Variants in SVEP1 observed in about 807,000 individuals in gnomAD.
SVEP1 encodes the protein sushi, von Willebrand factor type A, EGF and pentraxin domain containing 1.
SVEP1 carries 164 observed loss-of-function variants against 367.3 expected under a neutral mutation model. The observed-to-expected ratio is 0.45, with a 90% CI of 0.39 to 0.51. The LOEUF is 0.51. Ranked by LOEUF, SVEP1 falls within the 20% of genes least tolerant of loss-of-function variation. The probability of loss-of-function intolerance (pLI) is 0.00; values close to 1 mark genes in which losing one functional copy is unlikely to be tolerated. For missense variants in SVEP1, 4,117 were observed against 4,425.3 expected (o/e 0.93, Z 1.98); for synonymous variants, 1,666 against 1,611.6 (o/e 1.03, Z -0.81).
At chr9:110,415,128 T>C (rs1828100095) in intron 36 of SVEP1, among the ~76,000 whole-genome samples, 1 of 152,106 alleles carries the variant, frequency 6.6e-6, no homozygotes, top group East Asian at 1.9e-4. Context: ...TGATAAAAGT[T>C]GAATTTGGAA....
intron 2 of SVEP1, among the ~76,000 whole-genome samples, chr9:110,549,066 T>G (rs1183942050): frequency 6.6e-6 from 1 of 152,198 alleles, no homozygotes; most frequent in East Asian, 1.9e-4. Flanking sequence ...TCAAACTGAA[T>G]CTTTCACATG....
At chr9:110,501,826 GTAATT>G (rs1386204737) in intron 6 of SVEP1, among the ~76,000 whole-genome samples, 6 of 152,050 alleles carry the variant, frequency 3.9e-5, no homozygotes, top group Non-Finnish European at 7.4e-5. Flanking sequence ...CTATAATGAA[GTAATT>G]TATTATATTG....
chr9:110,468,326 T>C (rs1295125442), intron 17 of SVEP1, among the ~76,000 whole-genome samples: 1 of 152,226 alleles, frequency 6.6e-6, no homozygotes, highest in Non-Finnish European at 1.5e-5. Flanking sequence ...ATTGTTTCAT[T>C]TTATTTGCCA....
intron 1 of SVEP1, among the ~76,000 whole-genome samples, chr9:110,577,058 T>A (rs1291206161): frequency 3.3e-5 from 5 of 152,078 alleles, no homozygotes; most frequent in Non-Finnish European, 4.4e-5. Context: ...ATTATTACTA[T>A]AAAATACATA....
chr9:110,385,676 T>TATG (rs1827510234), intron 43 of SVEP1, among the ~76,000 whole-genome samples: 1 of 142,010 alleles, frequency 7.0e-6, no homozygotes, highest in South Asian at 2.1e-4. Flanking sequence ...ATTTTGAAAA[T>TATG]CTGTTCAGGT....
intron 36 of SVEP1, among the ~76,000 whole-genome samples, chr9:110,425,514 T>C (rs1828240288): frequency 6.6e-6 from 1 of 152,228 alleles, no homozygotes. Flanking sequence ...CACCTTCATG[T>C]CTTAGCTATA....
intron 3 of SVEP1, among the ~76,000 whole-genome samples, chr9:110,515,741 TAGAG>T (rs1435377369): frequency 6.6e-6 from 1 of 152,152 alleles, no homozygotes; most frequent in Non-Finnish European, 1.5e-5. Context: ...AATGGAGGCT[TAGAG>T]AGATTCAATG....
chr9:110,503,315 T>C, intron 5 of SVEP1, 98 bp from the exon 6 acceptor site: 3 of 1,253,926 alleles, frequency 2.4e-6, no homozygotes, highest in Non-Finnish European at 3.3e-6. Context: ...AGCAAGACAA[T>C]TTTCTTTTCT....
chr9:110,545,655 A>T (rs151101760), intron 3 of SVEP1, among the ~76,000 whole-genome samples: 1 of 152,310 alleles, frequency 6.6e-6, no homozygotes, highest in East Asian at 1.9e-4. Flanking sequence ...TTTGGTTTAC[A>T]TGCCTAGAGG....
At chr9:110,463,064 TTAAA>T (rs753781715) in intron 18 of SVEP1, among the ~76,000 whole-genome samples, 9 of 152,100 alleles carry the variant, frequency 5.9e-5, no homozygotes, top group Non-Finnish European at 1.2e-4. Context: ...ATAGATCATT[TTAAA>T]TAAATAAATC....
At position 110,387,744 on chromosome 9, in the gene SVEP1, T is replaced by C. The variant is rs149621517; in HGVS notation, c.9887-286A>G. Among the ~76,000 whole-genome samples the C allele has an allele frequency of 1.7e-3, 252 of 152,240 alleles. 1 individual carries two copies. Among genetic ancestry groups the C allele is most frequent in the African/African-American group, 5.5e-3 (227 of 41,558 alleles). On this transcript the variant is annotated intron_variant, in intron 41 of 47. Coordinates refer to ENST00000374469, the MANE Select transcript of SVEP1 (RefSeq NM_153366.4). ...AGTATGGATGAGCAGGTGGGTAAAA[T>C]AAAACAATCTCATTGTAAGTTGCTA...
At chr9:110,391,052 C>T (rs1225949489) in intron 40 of SVEP1, among the ~76,000 whole-genome samples, 6 of 152,156 alleles carry the variant, frequency 3.9e-5, no homozygotes, top group African/African-American at 1.2e-4. Flanking sequence ...AAAATTATAA[C>T]CATAACATTA....
Position 110,435,230 on chromosome 9 carries a change from GA to G in SVEP1, c.4888+10del. 6.2e-7 allele frequency: 1 copy of G among 1,611,696 alleles called. No individual in the cohort carries two copies. The highest frequency in any genetic ancestry group is 8.5e-7 in the Non-Finnish European group (1 of 1,178,504). The stretch of plus-strand genomic sequence containing the variant: ...GAGATAGTGGAGTCTATGAAAGAAG[GA>G]AATTCTCACCAGAACAAAATATGCT... On this transcript the variant is annotated intron_variant, in intron 29 of 47. Transcript: ENST00000374469.
chr9:110,387,224 A>G, intron 42 of SVEP1, 61 bp downstream of exon 42: 1 of 1,486,962 alleles, frequency 6.7e-7, no homozygotes, highest in Non-Finnish European at 8.9e-7. Context: ...TGTTTTGGAT[A>G]TGCGGGAAGC....
At chr9:110,376,948 G>A (rs1182931058) in intron 45 of SVEP1, 1 of 212,780 alleles carries the variant, frequency 4.7e-6, no homozygotes, top group Non-Finnish European at 9.5e-6. Context: ...GACTGACATA[G>A]CACATAGTAG....
chr9:110,394,054 GCCT>G (rs1827715814), intron 40 of SVEP1, among the ~76,000 whole-genome samples: 1 of 152,228 alleles, frequency 6.6e-6, no homozygotes, highest in Non-Finnish European at 1.5e-5. Context: ...CAGGCAGACT[GCCT>G]CCTCAAGTGG....
At chr9:110,372,699 G>A (rs192240605) in intron 46 of SVEP1, among the ~76,000 whole-genome samples, 1 of 152,190 alleles carries the variant, frequency 6.6e-6, no homozygotes, top group East Asian at 1.9e-4. Flanking sequence ...GGAGGAAAGA[G>A]GAAGATCATT....
chr9:110,496,219 G>A (rs1347016741), intron 8 of SVEP1, among the ~76,000 whole-genome samples: 1 of 152,310 alleles, frequency 6.6e-6, no homozygotes, highest in South Asian at 2.1e-4. Context: ...TGGATTGAAG[G>A]ATACGAAGTA....
intron 1 of SVEP1, among the ~76,000 whole-genome samples, chr9:110,566,164 CA>C (rs1362290847): frequency 6.6e-6 from 1 of 150,954 alleles, no homozygotes; most frequent in Non-Finnish European, 1.5e-5. Context: ...CAAAAAAATA[CA>C]AAAAGAATTA....
Sources: gnomAD v4.1 joint callset for allele counts (sites outside exome capture counted in the v4.1 genomes callset) on GRCh38, gnomAD v4.1.1 for gene constraint, MANE v1.5 for transcripts, NCBI Gene and HGNC (gene_info 2026-07-23, HGNC 2026-07-21) for gene names.